Variants in DTNB observed in about 807,000 individuals in gnomAD.
The protein encoded by DTNB is DTN-B.
DTNB carries 63 observed loss-of-function variants against 90.7 expected under a neutral mutation model. The observed-to-expected ratio is 0.69, with a 90% CI of 0.57 to 0.86. DTNB has a LOEUF of 0.86. Ranked by LOEUF, DTNB falls within the 40% of genes least tolerant of loss-of-function variation. The pLI is 0.00. For missense variants in DTNB, 744 were observed against 807.1 expected, an observed-to-expected ratio of 0.92 and a Z score of 0.95; for synonymous variants, 277 against 286.7, an observed-to-expected ratio of 0.97 and a Z score of 0.34.
chr2:25,596,269 GC>G, intron 5 of DTNB, 29 bp from the exon 6 acceptor site: 1 of 1,565,382 alleles, frequency 6.4e-7, no homozygotes, highest in Non-Finnish European at 8.6e-7. Context: ...ATAAAGTCAA[GC>G]TATAAGGAAA....
chr2:25,614,426 A>G (rs769314741), intron 4 of DTNB, among the ~76,000 whole-genome samples: 6 of 152,252 alleles, frequency 3.9e-5, no homozygotes, highest in Non-Finnish European at 7.3e-5. Context: ...AGAAAGCTAT[A>G]GAACTACTAA....
chr2:25,471,578 T>C (rs1347687080), intron 10 of DTNB, among the ~76,000 whole-genome samples: 4 of 152,092 alleles, frequency 2.6e-5, no homozygotes, highest in African/African-American at 9.7e-5. Context: ...GTATTTTTCG[T>C]TGAGACAGGG....
At chr2:25,652,107 C>A (rs761233404) in intron 2 of DTNB, among the ~76,000 whole-genome samples, 126 of 152,106 alleles carry the variant, frequency 8.3e-4, no homozygotes, top group Non-Finnish European at 8.8e-4. Flanking sequence ...GAACTGTATA[C>A]AACAATGTAA....
chr2:25,546,276 A>G (rs1572384840), intron 8 of DTNB, among the ~76,000 whole-genome samples: 1 of 152,194 alleles, frequency 6.6e-6, no homozygotes, highest in Non-Finnish European at 1.5e-5. Flanking sequence ...GTTCTCTCAC[A>G]AGGTTTTGTG....
chr2:25,473,553 G>T (rs2063205082), intron 10 of DTNB, among the ~76,000 whole-genome samples: 1 of 152,214 alleles, frequency 6.6e-6, no homozygotes, highest in Non-Finnish European at 1.5e-5. Flanking sequence ...GAGAGTATGT[G>T]TGGGGGCTGC....
intron 6 of DTNB, among the ~76,000 whole-genome samples, chr2:25,586,649 C>T (rs1054182143): frequency 1.2e-4 from 18 of 151,950 alleles, no homozygotes; most frequent in African/African-American, 4.4e-4. Context: ...CATAACTGAG[C>T]TGTAGGTAAC....
chr2:25,455,454 C>G lies in DTNB; in HGVS notation c.1120G>C (p.Glu374Gln). The stretch of plus-strand genomic sequence containing the variant: ...ACATAGGAGGCTATCAGCGCATGCT[C>G]ATCGGCCAAGTGACTGGGTATATCC... ...SQDIPSHLAD[E>Q]HALIASYVAR... The change falls in exon 11 of 21, where the codon GAG becomes CAG. Residue 374 changes from glutamate (E) to glutamine (Q), a missense_variant. Glu to Gln is a conservative substitution (Grantham distance 29, BLOSUM62 2). Transcript: ENST00000406818. The G allele has an allele frequency of 2.5e-6, 4 of 1,607,558 alleles. No individual in the cohort carries two copies. The East Asian group carries it at 8.9e-5, about 36-fold the overall frequency.
chr2:25,447,207 C>T (rs2058546420), intron 12 of DTNB, among the ~76,000 whole-genome samples: 1 of 152,162 alleles, frequency 6.6e-6, no homozygotes, highest in Admixed American at 6.5e-5. Context: ...TCTCATTTTG[C>T]AAAGTCAGCA....
At chr2:25,377,998 C>G (rs1204279088) in intron 20 of DTNB, among the ~76,000 whole-genome samples, 1 of 152,112 alleles carries the variant, frequency 6.6e-6, no homozygotes, top group East Asian at 1.9e-4. Flanking sequence ...GGTCAGAGAG[C>G]GCAGGATTAG....
intron 6 of DTNB, among the ~76,000 whole-genome samples, chr2:25,589,367 C>CTCTTTTTTTTTT (rs2063078912): frequency 1.7e-5 from 1 of 57,556 alleles, no homozygotes; most frequent in Non-Finnish European, 3.0e-5. Context: ...TTTTTCTTTT[C>CTCTTTTTTTTTT]TTTTTTTTTT....
chr2:25,505,104 C>T (rs1335063940), intron 9 of DTNB, among the ~76,000 whole-genome samples: 2 of 152,174 alleles, frequency 1.3e-5, no homozygotes, highest in Non-Finnish European at 2.9e-5. Context: ...AGCCTAAATA[C>T]TGTATAATGA....
chr2:25,657,724 C>T (rs1225284485), intron 1 of DTNB, among the ~76,000 whole-genome samples: 1 of 151,724 alleles, frequency 6.6e-6, no homozygotes, highest in Non-Finnish European at 1.5e-5. Flanking sequence ...CTGTCTCAAA[C>T]AAACAAACAA....
At chr2:25,382,778 C>G (rs2038239667) in intron 19 of DTNB, among the ~76,000 whole-genome samples, 1 of 152,132 alleles carries the variant, frequency 6.6e-6, no homozygotes. Flanking sequence ...ATCCGCCCGC[C>G]TCGGCCTTCC....
At chr2:25,551,254 G>A (rs898649510) in intron 8 of DTNB, among the ~76,000 whole-genome samples, 1 of 152,188 alleles carries the variant, frequency 6.6e-6, no homozygotes, top group Non-Finnish European at 1.5e-5. Flanking sequence ...TAATGCGCAT[G>A]AAAGTCTATC....
At chr2:25,406,317 GCTGCTAAACATC>G (rs1453963574) in intron 16 of DTNB, among the ~76,000 whole-genome samples, 1 of 152,020 alleles carries the variant, frequency 6.6e-6, no homozygotes, top group Non-Finnish European at 1.5e-5. Flanking sequence ...AGTTAAGGAT[GCTGCTAAACATC>G]CTTAACAGCC....
intron 10 of DTNB, among the ~76,000 whole-genome samples, chr2:25,482,465 C>T (rs1256264101): frequency 2.6e-5 from 4 of 151,998 alleles, no homozygotes; most frequent in African/African-American, 9.7e-5. Flanking sequence ...TTGAAACTCA[C>T]GACTACCAAA....
chr2:25,545,715 G>A (rs1161592045), intron 8 of DTNB, among the ~76,000 whole-genome samples: 2 of 152,072 alleles, frequency 1.3e-5, no homozygotes, highest in Admixed American at 6.5e-5. Context: ...TCCGCCTCCC[G>A]GGTTCAAGCA....
intron 10 of DTNB, among the ~76,000 whole-genome samples, chr2:25,467,994 C>T (rs115073728): frequency 1.3e-5 from 2 of 152,140 alleles, no homozygotes; most frequent in Non-Finnish European, 2.9e-5. Flanking sequence ...CCAACCGCTG[C>T]CCTTGTGTGT....
intron 1 of DTNB, 35 bp from the exon 2 acceptor site, chr2:25,652,696 T>C (rs1377676368): frequency 3.1e-6 from 5 of 1,594,888 alleles, no homozygotes; most frequent in Non-Finnish European, 4.3e-6. Flanking sequence ...AACCACTGTA[T>C]AATTCGACAA....
Sources: gnomAD v4.1 joint callset for allele counts (sites outside exome capture counted in the v4.1 genomes callset) on GRCh38, gnomAD v4.1.1 for gene constraint, MANE v1.5 for transcripts, NCBI Gene and HGNC (gene_info 2026-07-23, HGNC 2026-07-21) for gene names.